Variants in ZDHHC2 observed in about 807,000 individuals in gnomAD.
The protein encoded by ZDHHC2 is palmitoyltransferase ZDHHC2.
ZDHHC2 carries 51 observed loss-of-function variants against 55.6 expected under a neutral mutation model. That is an observed-to-expected ratio of 0.92 (90% confidence interval 0.73 to 1.16). The LOEUF (loss-of-function observed/expected upper bound fraction) is 1.16. Ranked by LOEUF, ZDHHC2 falls within the 50% of genes most tolerant of loss-of-function variation. The pLI is 0.00. For missense variants in ZDHHC2, 491 were observed against 442.4 expected (o/e 1.11, Z -0.99); for synonymous variants, 199 against 152.9 (o/e 1.30, Z -2.22).
chr8:17,184,008 A>C (rs546583902), intron 1 of ZDHHC2, among the ~76,000 whole-genome samples: 2 of 152,324 alleles, frequency 1.3e-5, no homozygotes, highest in African/African-American at 4.8e-5. Flanking sequence ...GAAAAGCTGA[A>C]TAAGGACAAA....
intron 6 of ZDHHC2, among the ~76,000 whole-genome samples, chr8:17,203,101 C>A (rs1271356123): frequency 7.0e-6 from 1 of 143,578 alleles, no homozygotes; most frequent in East Asian, 2.1e-4. Flanking sequence ...TCACTGTCAC[C>A]CAGGCTGGAG....
At chr8:17,166,621 T>C (rs1371732633) in intron 1 of ZDHHC2, among the ~76,000 whole-genome samples, 1 of 152,068 alleles carries the variant, frequency 6.6e-6, no homozygotes, top group Non-Finnish European at 1.5e-5. Flanking sequence ...AGCAGAGAAA[T>C]GGACCAAAGA....
rs541374161 is a variant in ZDHHC2 at position 17,222,213 on chromosome 8, G to A, written c.*1992G>A. ...AAAAAGTTAAAACAATTTCATTGTTGTAATTGTTCCCTTTCTGTTTTCATA... is the reference window on the plus strand; with the variant it reads ...AAAAAGTTAAAACAATTTCATTGTTATAATTGTTCCCTTTCTGTTTTCATA... On this transcript the variant is annotated 3_prime_UTR_variant, in exon 13 of 13. Coordinates refer to ENST00000262096, the MANE Select transcript of ZDHHC2 (RefSeq NM_016353.5). 1.1e-4 allele frequency: 17 copies of A among 151,678 alleles called. 1 individual carries two copies. In the South Asian group the frequency reaches 2.9e-3, roughly 26 times the overall value. 9.4% of individuals were successfully genotyped at this position (151,678 alleles called of 1,614,324 possible).
rs186842705 is a variant in ZDHHC2, at chr8:17,223,936, C to G, written c.*3715C>G. 1 of 151,846 alleles carries G rather than the reference C, an allele frequency of 6.6e-6. No homozygotes were observed. The highest frequency in any genetic ancestry group is 2.4e-5 in the African/African-American group (1 of 41,514). The allele number at this position is 151,846 out of a possible 1,614,324, so 9.4% of individuals were successfully genotyped here. A position where few individuals can be genotyped will look rare whatever the true frequency, so the allele number is the denominator to read the frequency against. ...CACTGAAAGGATGAAATCAAGTAGG[C>G]TTGTTTCAAAGAGACTCCTGTGAAT... On this transcript the variant is annotated 3_prime_UTR_variant, in exon 13 of 13. Transcript: ENST00000262096.
In ZDHHC2 at chr8:17,199,547, G is replaced by GTCTTCTGTCTTCGTCTTCA. The variant is rs1443290117; in HGVS notation, c.476+1139_476+1140insTGTCTTCGTCTTCATCTTC. ...TCTTCGTCTTCTGTCTTCGTCTTCTGTCTTCGTCTTCGTCTTCTTCGTCTT... is the reference window on the plus strand; with the variant it reads ...TCTTCGTCTTCTGTCTTCGTCTTCTGTCTTCTGTCTTCGTCTTCATCTTCGTCTTCGTCTTCTTCGTCTT... On this transcript the variant is annotated intron_variant, in intron 6 of 12. Transcript: ENST00000262096. Among the ~76,000 whole-genome samples, 5 of 19,962 alleles carry GTCTTCTGTCTTCGTCTTCA rather than the reference G, an allele frequency of 2.5e-4. 2 individuals carry two copies. The highest frequency in any genetic ancestry group is 3.8e-4 in the Non-Finnish European group (5 of 13,300). The allele number at this position is 19,962 out of a possible 152,430, so 13.1% of individuals were successfully genotyped here.
intron 1 of ZDHHC2, among the ~76,000 whole-genome samples, chr8:17,182,749 C>G (rs1312714023): frequency 6.6e-6 from 1 of 151,990 alleles, no homozygotes; most frequent in Non-Finnish European, 1.5e-5. Context: ...CAACTCGTAC[C>G]AACTACACCT....
At chr8:17,214,397 G>C (rs560387877) in intron 10 of ZDHHC2, among the ~76,000 whole-genome samples, 26 of 152,274 alleles carry the variant, frequency 1.7e-4, no homozygotes, top group African/African-American at 5.1e-4. Context: ...AGAGAAAATT[G>C]TGTTCAAGAC....
chr8:17,209,903 C>CA (rs757996831), intron 8 of ZDHHC2, 29 bp from the exon 9 acceptor site: 2 of 1,591,212 alleles, frequency 1.3e-6, no homozygotes, highest in Admixed American at 3.6e-5. Flanking sequence ...GTTCTTTACT[C>CA]ATGTGATTCC....
At chr8:17,161,777 C>G (rs1804355112) in intron 1 of ZDHHC2, among the ~76,000 whole-genome samples, 1 of 151,950 alleles carries the variant, frequency 6.6e-6, no homozygotes. Context: ...AAGAAATTGC[C>G]TGAACCGGGG....
intron 7 of ZDHHC2, among the ~76,000 whole-genome samples, chr8:17,206,307 A>G (rs1463133262): frequency 1.3e-5 from 2 of 152,238 alleles, no homozygotes; most frequent in African/African-American, 4.8e-5. Flanking sequence ...TATGAGTTCT[A>G]TATTAATAAA....
At chr8:17,201,344 C>T (rs1806750596) in intron 6 of ZDHHC2, among the ~76,000 whole-genome samples, 1 of 151,896 alleles carries the variant, frequency 6.6e-6, no homozygotes, top group Admixed American at 6.6e-5. Flanking sequence ...CTTAATGTAT[C>T]CTGGAAATGT....
chr8:17,176,299 C>A (rs2705218), intron 1 of ZDHHC2, among the ~76,000 whole-genome samples: 8 of 152,242 alleles, frequency 5.3e-5, no homozygotes, highest in African/African-American at 1.9e-4. Context: ...ACTGAAAACC[C>A]TGTGTTTGGA....
intron 10 of ZDHHC2, among the ~76,000 whole-genome samples, chr8:17,211,720 A>G (rs1405546714): frequency 6.6e-6 from 1 of 152,174 alleles, no homozygotes. Context: ...AGCTATGTAC[A>G]GGCCAGACCC....
chr8:17,166,870 G>C (rs1804626584), intron 1 of ZDHHC2, among the ~76,000 whole-genome samples: 1 of 152,112 alleles, frequency 6.6e-6, no homozygotes, highest in Non-Finnish European at 1.5e-5. Context: ...TACTGACTCT[G>C]ATGACTTTCA....
At chr8:17,190,235 G>A (rs529480434) in intron 3 of ZDHHC2, among the ~76,000 whole-genome samples, 4 of 150,746 alleles carry the variant, frequency 2.7e-5, no homozygotes, top group Non-Finnish European at 4.4e-5. Flanking sequence ...CAGCCTGGGC[G>A]ACAGATCGAC....
chr8:17,195,825 G>A (rs558053049), intron 4 of ZDHHC2, among the ~76,000 whole-genome samples: 33 of 151,912 alleles, frequency 2.2e-4, no homozygotes, highest in Non-Finnish European at 3.5e-4. Context: ...CACAGAGATC[G>A]CAAGGAAATC....
chr8:17,219,693 G>C (rs574925939), intron 12 of ZDHHC2, among the ~76,000 whole-genome samples: 3 of 152,242 alleles, frequency 2.0e-5, no homozygotes, highest in East Asian at 3.9e-4. Context: ...AGGATGACTT[G>C]AGCCAGGGAG....
chr8:17,191,006 G>A (rs570495883), intron 3 of ZDHHC2, among the ~76,000 whole-genome samples: 1 of 130,388 alleles, frequency 7.7e-6, no homozygotes, highest in Non-Finnish European at 1.5e-5. Flanking sequence ...CTGTCACCCA[G>A]GCTGGAGTGC....
At chr8:17,206,766 A>G (rs1289362687) in intron 7 of ZDHHC2, among the ~76,000 whole-genome samples, 1 of 152,234 alleles carries the variant, frequency 6.6e-6, no homozygotes, top group Non-Finnish European at 1.5e-5. Context: ...ACAGTAAAAA[A>G]GCAATTTATC....
Sources: allele counts gnomAD v4.1 joint callset (sites outside exome capture counted in the v4.1 genomes callset), GRCh38; gene constraint gnomAD v4.1.1; transcripts MANE v1.5; gene names NCBI Gene and HGNC (gene_info 2026-07-23, HGNC 2026-07-21).